The following C6orf58 variants were observed in gnomAD, a reference collection of about 807,000 sequenced individuals.
C6orf58 encodes the protein chromosome 6 open reading frame 58.
In C6orf58, 30 loss-of-function variants were observed where a neutral mutation model predicts 37.0. That is an observed-to-expected ratio of 0.81 (90% CI 0.61 to 1.10). The LOEUF (loss-of-function observed/expected upper bound fraction) is 1.10, where lower values mean the gene tolerates loss of function less well. C6orf58 is among the 50% of genes least tolerant of loss of function. The probability of loss-of-function intolerance (pLI) is 0.00; values close to 1 mark genes in which losing one functional copy is unlikely to be tolerated. For synonymous variants in C6orf58, 143 were observed against 134.1 expected (o/e 1.07, Z -0.46); for missense variants, 368 against 387.5 (o/e 0.95, Z 0.42).
At chr6:127,589,030 G>A (rs1775134389) in intron 4 of C6orf58, among the ~76,000 whole-genome samples, 2 of 152,114 alleles carry the variant, frequency 1.3e-5, no homozygotes, top group East Asian at 1.9e-4. Flanking sequence ...TATTATCTGG[G>A]TTATGTTATA....
intron 4 of C6orf58, among the ~76,000 whole-genome samples, chr6:127,585,985 T>G (rs1256116652): frequency 6.6e-6 from 1 of 152,206 alleles, no homozygotes; most frequent in Non-Finnish European, 1.5e-5. Context: ...ATTTTACCTG[T>G]CTACTTGCAT....
intron 4 of C6orf58, among the ~76,000 whole-genome samples, chr6:127,586,614 A>G (rs982509828): frequency 6.6e-6 from 1 of 152,210 alleles, no homozygotes; most frequent in Non-Finnish European, 1.5e-5. Context: ...CTGCCTAGGC[A>G]TTTGGCTGTC....
intron 4 of C6orf58, among the ~76,000 whole-genome samples, chr6:127,581,519 A>T (rs999817638): frequency 3.9e-5 from 6 of 151,960 alleles, no homozygotes; most frequent in Non-Finnish European, 2.9e-5. Flanking sequence ...AAAAACAAAA[A>T]AAAAAGCAAC....
intron 4 of C6orf58, among the ~76,000 whole-genome samples, chr6:127,584,996 G>T (rs936006541): frequency 6.6e-6 from 1 of 152,020 alleles, no homozygotes; most frequent in African/African-American, 2.4e-5. Flanking sequence ...TTGATGTTGG[G>T]TTAGAAGTTT....
chr6:127,586,253 C>T (rs1467907638), intron 4 of C6orf58, among the ~76,000 whole-genome samples: 1 of 152,122 alleles, frequency 6.6e-6, no homozygotes, highest in East Asian at 1.9e-4. Context: ...CACAGACTTT[C>T]AGTCAGGCAC....
chr6:127,577,551 T>C (rs774409741), intron 1 of C6orf58, 65 bp downstream of exon 1: 9 of 1,421,970 alleles, frequency 6.3e-6, no homozygotes, highest in Non-Finnish European at 7.9e-6. Flanking sequence ...TTTGGGAAAT[T>C]GGACTCTGTA....
Position 127,581,177 on chromosome 6 carries a change from CT to C in C6orf58, c.574-3del. 2 of 1,413,402 alleles carry C rather than the reference CT, an allele frequency of 1.4e-6. No individual in the cohort carries two copies. Among genetic ancestry groups the C allele is most frequent in the South Asian group, 1.5e-5 (1 of 66,334 alleles). The allele number at this position is 1,413,402 out of a possible 1,614,324, so 87.6% of individuals were successfully genotyped here. On this transcript the variant is annotated splice_region_variant and splice_polypyrimidine_tract_variant and intron_variant, in intron 3 of 5. Coordinates refer to ENST00000329722, the MANE Select transcript of C6orf58 (RefSeq NM_001010905.3). ...ATATTAATAAATTTGACCTCTTTAC[CT>C]TAGTATTTGCAGTCACCTTTTAGTA...
rs1249596045 is a variant in C6orf58 at position 127,591,715 on chromosome 6, C to G, written c.*93C>G. The G allele has an allele frequency of 2.7e-6, 3 of 1,095,396 alleles. No homozygotes were observed. The highest frequency in any genetic ancestry group is 3.6e-6 in the Non-Finnish European group (3 of 825,086). The allele number at this position is 1,095,396 out of a possible 1,614,324, so 67.9% of individuals were successfully genotyped here. A position where few individuals can be genotyped will look rare whatever the true frequency, so the allele number is the denominator to read the frequency against. On this transcript the variant is annotated 3_prime_UTR_variant, in exon 6 of 6. Transcript: ENST00000329722. ...AGTAATTTCAAAAAATTAATGTCAT[C>G]ATGACCATGTAGTTTATTCTTTCTG...
rs768379758 is a variant in C6orf58 at position 127,591,571 on chromosome 6, A to G, written c.942A>G (p.Val314=). 4 of 1,533,568 alleles carry G rather than the reference A, an allele frequency of 2.6e-6. No individual in the cohort carries two copies. In the South Asian group the frequency reaches 5.3e-5, roughly 20 times the overall value. 95.0% of individuals were successfully genotyped at this position (1,533,568 alleles called of 1,614,324 possible). The change falls in exon 6 of 6, where the codon GTA becomes GTG. Residue 314 remains valine (V), a synonymous_variant. Coordinates refer to ENST00000329722, the MANE Select transcript of C6orf58 (RefSeq NM_001010905.3). ...ATCTTTGTACAGAAAAATCTAATGT[A>G]TATAGAGATCATTCGGAATCTAGCT... ...IGYLCTEKSN[V]YRDHSESSSR...
chr6:127,590,308 A>G lies in C6orf58; in HGVS notation c.896A>G (p.Asn299Ser), dbSNP rs146910440. ...VVLVLLNMLD[N>S]VDKSIGYLCT... The stretch of plus-strand genomic sequence containing the variant: ...CTGGTTCTTCTAAATATGCTTGACA[A>G]TGTGGATAAATCTATAGGTAAGAAC... The change falls in exon 5 of 6, where the codon AAT becomes AGT. Residue 299 changes from asparagine (N) to serine (S), a missense_variant. By Grantham distance (46) the Asn-to-Ser change is conservative. Coordinates refer to ENST00000329722, the MANE Select transcript of C6orf58 (RefSeq NM_001010905.3). 173 of 1,604,646 alleles carry G rather than the reference A, an allele frequency of 1.1e-4. No homozygotes were observed. In the African/African-American group the frequency reaches 1.6e-3, roughly 15 times the overall value.
chr6:127,578,468 C>T (rs942769091), intron 1 of C6orf58, among the ~76,000 whole-genome samples: 1 of 151,642 alleles, frequency 6.6e-6, no homozygotes, highest in Non-Finnish European at 1.5e-5. Context: ...TATTTAGGAC[C>T]TATAACTCAA....
At chr6:127,581,333 G>A in intron 4 of C6orf58, 51 bp downstream of exon 4, 1 of 797,182 alleles carries the variant, frequency 1.3e-6, no homozygotes, top group Non-Finnish European at 1.9e-6. Context: ...AATAATTTTG[G>A]GCATTATTTA....
intron 1 of C6orf58, 148 bp from the exon 2 acceptor site, chr6:127,578,538 T>TA (rs1162327276): frequency 1.8e-5 from 9 of 489,876 alleles, no homozygotes; most frequent in Non-Finnish European, 2.9e-5. Flanking sequence ...AAATAAAAGA[T>TA]AAAAAAAGAA....
chr6:127,590,696 C>T (rs1775153370), intron 5 of C6orf58, among the ~76,000 whole-genome samples: 1 of 151,804 alleles, frequency 6.6e-6, no homozygotes, highest in Admixed American at 6.6e-5. Context: ...AAAATGAAGA[C>T]ATTTCAAAAG....
intron 3 of C6orf58, 61 bp from the exon 4 acceptor site, chr6:127,581,121 T>C (rs1775045223): frequency 1.3e-6 from 1 of 741,970 alleles, no homozygotes; most frequent in East Asian, 2.9e-5. Context: ...CATGACTAAA[T>C]TTCAGGGAGA....
chr6:127,578,643 A>T, intron 1 of C6orf58, 43 bp from the exon 2 acceptor site: 1 of 1,424,610 alleles, frequency 7.0e-7, no homozygotes, highest in Non-Finnish European at 9.9e-7. Context: ...GCCAGTTTCA[A>T]AATGCGTATA....
Position 127,577,522 on chromosome 6 carries a change from C to T in C6orf58, c.301+36C>T, listed in dbSNP as rs766106259. ...CTCTTGTTTTCATTGTAATGATCTA[C>T]CGATAGACCTATGAAGTATTTGGGA... On this transcript the variant is annotated intron_variant, in intron 1 of 5. Transcript: ENST00000329722. 4.9e-5 allele frequency: 77 copies of T among 1,577,374 alleles called. 1 individual carries two copies. The South Asian group carries it at 7.5e-4, about 15-fold the overall frequency.
At chr6:127,581,514 CAA>C (rs59422228) in intron 4 of C6orf58, among the ~76,000 whole-genome samples, 1 of 140,188 alleles carries the variant, frequency 7.1e-6, no homozygotes, top group Non-Finnish European at 1.6e-5. Context: ...CATGAAAAAA[CAA>C]AAAAAAAAGC....
In C6orf58 at chr6:127,591,589, A is replaced by T. The variant is rs762459766; in HGVS notation, c.960A>T (p.Glu320Asp). The change falls in exon 6 of 6, where the codon GAA (glutamate) becomes GAT (aspartate). Residue 320 changes from glutamate to aspartate, a missense_variant. Coordinates refer to ENST00000329722, the MANE Select transcript of C6orf58 (RefSeq NM_001010905.3). The part of the protein sequence containing the change: ...EKSNVYRDHS[E>D]SSSRSYGNNS ...CTAATGTATATAGAGATCATTCGGA[A>T]TCTAGCTCTAGAAGTTATGGAAATA... is the stretch of plus-strand genomic sequence containing the variant. 1.3e-6 allele frequency: 2 copies of T among 1,531,464 alleles called. No homozygotes were observed. Among genetic ancestry groups the T allele is most frequent in the Admixed American group, 2.2e-5 (1 of 44,764 alleles). 94.9% of individuals were successfully genotyped at this position (1,531,464 alleles called of 1,614,324 possible).
Sources: allele counts gnomAD v4.1 joint callset (sites outside exome capture counted in the v4.1 genomes callset), GRCh38; gene constraint gnomAD v4.1.1; transcripts MANE v1.5; gene names NCBI Gene and HGNC (gene_info 2026-07-23, HGNC 2026-07-21).